Variants in ENGASE observed in about 807,000 individuals in gnomAD.
ENGASE encodes the protein endo-beta-N-acetylglucosaminidase.
Under a neutral mutation model 78.5 loss-of-function variants are expected in ENGASE, and 69 were observed. The observed-to-expected ratio is 0.88, with a 90% CI of 0.72 to 1.07. ENGASE has a LOEUF of 1.07. Among genes scored for constraint, ENGASE ranks in the 50% least tolerant of loss-of-function variants. The pLI, the probability that ENGASE is intolerant of heterozygous loss-of-function variation, is 0.00. For missense variants in ENGASE, 943 were observed against 988.4 expected (o/e 0.95, Z 0.62); for synonymous variants, 408 against 408.9 (o/e 1.00, Z 0.03).
intron 1 of ENGASE, among the ~76,000 whole-genome samples, chr17:79,076,577 A>G (rs1024768763): frequency 2.6e-5 from 4 of 152,178 alleles, no homozygotes; most frequent in African/African-American, 7.2e-5. Flanking sequence ...TAATCAATCA[A>G]TTTTTAAAAG....
rs762074112 is a variant in ENGASE, at chr17:79,083,190, T to C, written c.1142+67T>C. 8.3e-6 allele frequency: 10 copies of C among 1,200,748 alleles called. No individual in the cohort carries two copies. Among genetic ancestry groups the C allele is most frequent in the Admixed American group, 3.7e-5 (2 of 54,518 alleles). The allele number at this position is 1,200,748 out of a possible 1,614,324, so 74.4% of individuals were successfully genotyped here. On this transcript the variant is annotated intron_variant, in intron 8 of 13. Transcript: ENST00000579016. The surrounding 1 kb of genome is among the most constrained non-coding windows in gnomAD (Gnocchi z 4.9). ...AGGGAGGGGTTTCTGGTGTCTCTGA[T>C]AGGACACGTTTGTGCTCTTTAGTGA...
Position 79,087,427 on chromosome 17 carries a change from C to A in ENGASE, c.*1078C>A. 4.6e-6 allele frequency: 1 copy of A among 219,414 alleles called. No homozygotes were observed. The highest frequency in any genetic ancestry group is 6.3e-5 in the South Asian group (1 of 15,832). The allele number at this position is 219,414 out of a possible 1,614,324, so 13.6% of individuals were successfully genotyped here. ...CAGGCGCCTTCCTCTGTCCTTCCTG[C>A]TCTTTCTTCTCTGCCCAGGCCGCTG... On this transcript the variant is annotated 3_prime_UTR_variant, in exon 14 of 14. Coordinates refer to ENST00000579016, the MANE Select transcript of ENGASE (RefSeq NM_001042573.3).
chr17:79,081,327 T>C (rs1442409862), intron 6 of ENGASE, among the ~76,000 whole-genome samples: 2 of 152,024 alleles, frequency 1.3e-5, no homozygotes, highest in East Asian at 1.9e-4. Flanking sequence ...ACGGTGAAAC[T>C]CCGTCTCTAC....
chr17:79,086,439 C>A lies in ENGASE; in HGVS notation c.*90C>A. 2 of 1,443,692 alleles carry A rather than the reference C, an allele frequency of 1.4e-6. No individual in the cohort carries two copies. The highest frequency in any genetic ancestry group is 2.4e-5 in the East Asian group (1 of 41,572). 89.4% of individuals were successfully genotyped at this position (1,443,692 alleles called of 1,614,324 possible). ...TGGCCTGCGCTGGACCTGCTAAGTGCCCACAGTGGCAGCGAGGTCCCGGTC... is the reference window on the plus strand; with the variant it reads ...TGGCCTGCGCTGGACCTGCTAAGTGACCACAGTGGCAGCGAGGTCCCGGTC... On this transcript the variant is annotated 3_prime_UTR_variant, in exon 14 of 14. Transcript: ENST00000579016.
At position 79,087,891 on chromosome 17, in the gene ENGASE, G is replaced by T. The variant is rs953512535; in HGVS notation, c.*1542G>T. The stretch of plus-strand genomic sequence containing the variant: ...CCACCTGTCTCCATCTTCCTTGCCT[G>T]CCTGGGTACTCATGCCAAGCAGAGA... On this transcript the variant is annotated 3_prime_UTR_variant, in exon 14 of 14. Transcript: ENST00000579016. The T allele has an allele frequency of 6.6e-6, 1 of 152,232 alleles. No homozygotes were observed. The highest frequency in any genetic ancestry group is 2.4e-5 in the African/African-American group (1 of 41,434). The allele number at this position is 152,232 out of a possible 1,614,324, so 9.4% of individuals were successfully genotyped here. A position where few individuals can be genotyped will look rare whatever the true frequency, so the allele number is the denominator to read the frequency against.
chr17:79,078,979 C>T lies in ENGASE; in HGVS notation c.417-510C>T, dbSNP rs190794383. Among the ~76,000 whole-genome samples the T allele has an allele frequency of 5.1e-3, 774 of 152,296 alleles. 1 individual carries two copies. Among genetic ancestry groups the T allele is most frequent in the Non-Finnish European group, 9.1e-3 (616 of 68,012 alleles). On this transcript the variant is annotated intron_variant, in intron 3 of 13. Transcript: ENST00000579016. ...ATGCAATGGCAGATGCCTGATGCCCCGGTCAGAGCACTCTGCCTGTGGCTA... is the reference window on the plus strand; with the variant it reads ...ATGCAATGGCAGATGCCTGATGCCCTGGTCAGAGCACTCTGCCTGTGGCTA...
chr17:79,081,869 C>T (rs765011610), intron 6 of ENGASE, 29 bp from the exon 7 acceptor site: 4 of 1,591,764 alleles, frequency 2.5e-6, no homozygotes, highest in Middle Eastern at 1.8e-4. Context: ...TGGGCCTGGG[C>T]CTCACAGCAG....
In ENGASE at chr17:79,085,240, C is replaced by G; in HGVS notation, c.1598C>G (p.Thr533Arg). The change falls in exon 12 of 14, where the codon ACA (threonine) becomes AGA (arginine). Residue 533 changes from threonine (T) to arginine (R), a missense_variant. Thr to Arg is a moderately conservative substitution (Grantham distance 71). Coordinates refer to ENST00000579016, the MANE Select transcript of ENGASE (RefSeq NM_001042573.3). The stretch of plus-strand genomic sequence containing the variant: ...TCCGTGTCTCCTTCTGCAGCAGAAA[C>G]AAGCTCAAGACACAGCCTCCGACCC... The part of the protein sequence containing the change: ...IGGISVLNAE[T>R]SSRHSLRPLR... 6.2e-7 allele frequency: 1 copy of G among 1,613,004 alleles called. No homozygotes were observed. The highest frequency in any genetic ancestry group is 8.5e-7 in the Non-Finnish European group (1 of 1,179,360).
chr17:79,081,857 T>TCTGGGC (rs780395616), intron 6 of ENGASE, 41 bp from the exon 7 acceptor site: 11 of 1,578,272 alleles, frequency 7.0e-6, no homozygotes, highest in Non-Finnish European at 8.6e-7. Flanking sequence ...GCCCCATCCT[T>TCTGGGC]CTGGGCCTGG....
At chr17:79,075,227 C>T (rs2072939889) in intron 1 of ENGASE, 137 bp downstream of exon 1, 2 of 1,020,090 alleles carry the variant, frequency 2.0e-6, no homozygotes, top group Non-Finnish European at 2.5e-6. Context: ...CAGTAAGGGA[C>T]AGAGGGTGGC....
At position 79,079,495 on chromosome 17, in the gene ENGASE, T is replaced by C. The variant is rs759269703; in HGVS notation, c.423T>C (p.Ile141=). The part of the protein sequence containing the change: ...MMGGYLDDRF[I]QGSVVQTPYA... ...GTTCTGTTTCTTTCCCCAGGTTCAT[T>C]CAGGGCTCGGTGGTGCAGACTCCCT... The change falls in exon 4 of 14, where the codon ATT becomes ATC. Residue 141 remains isoleucine (I), a synonymous_variant. Coordinates refer to ENST00000579016, the MANE Select transcript of ENGASE (RefSeq NM_001042573.3). 11 of 1,612,688 alleles carry C rather than the reference T, an allele frequency of 6.8e-6. No homozygotes were observed. The Admixed American group carries it at 1.8e-4, about 27-fold the overall frequency.
chr17:79,085,978 G>C lies in ENGASE; in HGVS notation c.1861G>C (p.Ala621Pro). Residue 621 changes from alanine to proline, a missense_variant, in exon 14 of 14, where the codon GCC becomes CCC. Transcript: ENST00000579016. ...GCTGGCCCCTCTGCCCCAGGTGCAG[G>C]CCGTCACCATCTCTCACATCCGCTG... is the stretch of plus-strand genomic sequence containing the variant. ...SLLAPLPQVQ[A>P]VTISHIRWQP... The C allele has an allele frequency of 6.2e-7, 1 of 1,607,860 alleles. No individual in the cohort carries two copies. The highest frequency in any genetic ancestry group is 8.5e-7 in the Non-Finnish European group (1 of 1,179,766).
In ENGASE at chr17:79,080,232, A is replaced by G. The variant is rs769467512; in HGVS notation, c.591A>G (p.Glu197=). Residue 197 remains glutamate, a synonymous_variant, in exon 5 of 14, where the codon GAA becomes GAG. Coordinates refer to ENST00000579016, the MANE Select transcript of ENGASE (RefSeq NM_001042573.3). The part of the protein sequence containing the change: ...VLGTFITEWN[E]GGRLCEAFLA... ...GGACTTTCATCACGGAGTGGAATGA[A>G]GGGGGAAGGCTCTGTGAAGCCTTCC... 1 of 1,607,534 alleles carries G rather than the reference A, an allele frequency of 6.2e-7. No individual in the cohort carries two copies. The highest frequency in any genetic ancestry group is 8.5e-7 in the Non-Finnish European group (1 of 1,176,006).
At position 79,080,888 on chromosome 17, in the gene ENGASE, G is replaced by A; in HGVS notation, c.724-37G>A. 3 of 1,588,460 alleles carry A rather than the reference G, an allele frequency of 1.9e-6. No homozygotes were observed. The East Asian group carries it at 6.7e-5, about 36-fold the overall frequency. ...TACTTCTCATGATAGATAGATCTGGGGCTCACTGAGGCTCTCACCTTGTTC... is the reference window on the plus strand; with the variant it reads ...TACTTCTCATGATAGATAGATCTGGAGCTCACTGAGGCTCTCACCTTGTTC... On this transcript the variant is annotated intron_variant, in intron 5 of 13. Transcript: ENST00000579016.
In ENGASE at chr17:79,079,514, A is replaced by G. The variant is rs1423529720; in HGVS notation, c.442A>G (p.Thr148Ala). 2 of 1,611,588 alleles carry G rather than the reference A, an allele frequency of 1.2e-6. No individual in the cohort carries two copies. Among genetic ancestry groups the G allele is most frequent in the East Asian group, 4.5e-5 (2 of 44,766 alleles). ...DRFIQGSVVQ[T>A]PYAFYHWQCI... is the part of the protein sequence containing the mutation. ...GTTCATTCAGGGCTCGGTGGTGCAG[A>G]CTCCCTATGCTTTCTACCACTGGCA... The change falls in exon 4 of 14, where the codon ACT (threonine) becomes GCT (alanine). Residue 148 changes from threonine (T) to alanine (A), a missense_variant. Thr to Ala is a moderately conservative substitution (Grantham distance 58). Transcript: ENST00000579016.
intron 11 of ENGASE, among the ~76,000 whole-genome samples, 191 bp from the exon 12 acceptor site, chr17:79,085,043 G>T (rs570015201): frequency 3.9e-5 from 6 of 152,164 alleles, no homozygotes; most frequent in African/African-American, 1.2e-4. Flanking sequence ...GAGTGAGGGC[G>T]CGGCTGACCC....
At position 79,080,220 on chromosome 17, in the gene ENGASE, G is replaced by T. The variant is rs62063824; in HGVS notation, c.579G>T (p.Thr193=). ...CTATCCTCACAGGGACTTTCATCAC[G>T]GAGTGGAATGAAGGGGGAAGGCTCT... ...HGVCVLGTFI[T]EWNEGGRLCE... The change falls in exon 5 of 14, where the codon ACG becomes ACT. Residue 193 remains threonine, a synonymous_variant. Transcript: ENST00000579016. 6.2e-7 allele frequency: 1 copy of T among 1,601,614 alleles called. No individual in the cohort carries two copies. Among genetic ancestry groups the T allele is most frequent in the African/African-American group, 1.3e-5 (1 of 74,480 alleles).
At chr17:79,080,631 C>T (rs745421323) in intron 5 of ENGASE, among the ~76,000 whole-genome samples, 12 of 152,232 alleles carry the variant, frequency 7.9e-5, no homozygotes, top group Admixed American at 2.0e-4. Context: ...TCCTTTTCCG[C>T]GCTCTGCTCT....
intron 1 of ENGASE, 128 bp downstream of exon 1, chr17:79,075,218 A>C: frequency 3.7e-6 from 4 of 1,072,524 alleles, no homozygotes; most frequent in Non-Finnish European, 4.7e-6. Context: ...CTCCGTGCAC[A>C]GTAAGGGACA....
Sources: gnomAD v4.1 joint callset for allele counts (sites outside exome capture counted in the v4.1 genomes callset) on GRCh38, gnomAD v4.1.1 for gene constraint, Gnocchi (gnomAD v3.1) non-coding constraint, MANE v1.5 for transcripts, NCBI Gene and HGNC (gene_info 2026-07-23, HGNC 2026-07-21) for gene names.